CLVS2: variants seen among roughly 807,000 people sequenced by gnomAD.
CLVS2 encodes clavesin-2.
CLVS2 carries 19 observed loss-of-function variants against 29.0 expected under a neutral mutation model. The ratio of observed to expected loss-of-function variants is 0.66; its 90% CI spans 0.46 to 0.96. The LOEUF (loss-of-function observed/expected upper bound fraction) is 0.96. Ranked by LOEUF, CLVS2 falls within the 40% of genes least tolerant of loss-of-function variation. The probability of loss-of-function intolerance (pLI) is 0.00; values close to 1 mark genes in which losing one functional copy is unlikely to be tolerated. For missense variants in CLVS2, 294 were observed against 404.1 expected, an observed-to-expected ratio of 0.73 and a Z score of 2.34; for synonymous variants, 161 against 151.3, an observed-to-expected ratio of 1.06 and a Z score of -0.47.
At chr6:123,024,384 AT>A (rs1387610904) in intron 3 of CLVS2, among the ~76,000 whole-genome samples, 1 of 152,240 alleles carries the variant, frequency 6.6e-6, no homozygotes, top group South Asian at 2.1e-4. Context: ...ACATGAAGAG[AT>A]TTGTATATAC....
intron 3 of CLVS2, among the ~76,000 whole-genome samples, chr6:123,042,127 G>T (rs925457320): frequency 6.6e-6 from 1 of 152,048 alleles, no homozygotes; most frequent in African/African-American, 2.4e-5. Flanking sequence ...TGTGATTCAT[G>T]TGCATTTCAT....
rs1772688174 is a variant in CLVS2, at chr6:123,055,981, C to T, written c.851C>T (p.Pro284Leu). The change falls in exon 5 of 6, where the codon CCT becomes CTT. Residue 284 changes from proline (P) to leucine (L), a missense_variant. Physicochemically the swap from Pro to Leu is moderately conservative, Grantham distance 98 (BLOSUM62 -3). This residue lies in a region of CLVS2 where 82 missense variants were observed against 67.8 expected (regional missense o/e 1.21). Coordinates refer to ENST00000275162, the MANE Select transcript of CLVS2 (RefSeq NM_001010852.4). ...TACAATGTAGACTCCTACAGCATGC[C>T]TGTGAAGGAAGTAGAGAAGGAACTC... ...SEYNVDSYSM[P>L]VKEVEKELSP... 2 of 1,613,814 alleles carry T rather than the reference C, an allele frequency of 1.2e-6. No homozygotes were observed. The highest frequency in any genetic ancestry group is 8.5e-7 in the Non-Finnish European group (1 of 1,179,902).
chr6:123,050,099 C>T (rs1330221512), intron 4 of CLVS2, among the ~76,000 whole-genome samples: 1 of 152,172 alleles, frequency 6.6e-6, no homozygotes, highest in East Asian at 1.9e-4. Flanking sequence ...AATTTGTTGA[C>T]AATGTTTTAA....
At chr6:123,036,923 A>G (rs530782866) in intron 3 of CLVS2, among the ~76,000 whole-genome samples, 1 of 152,256 alleles carries the variant, frequency 6.6e-6, no homozygotes, top group South Asian at 2.1e-4. Flanking sequence ...TCTTCTCTCC[A>G]ACACGTTAGT....
rs1046958804 is a variant in CLVS2 at position 123,072,109 on chromosome 6, T to A, written c.*8348T>A. 9 of 152,058 alleles carry A rather than the reference T, an allele frequency of 5.9e-5. No individual in the cohort carries two copies. Among genetic ancestry groups the A allele is most frequent in the Admixed American group, 5.3e-4 (8 of 15,238 alleles). The allele number at this position is 152,058 out of a possible 1,614,324, so 9.4% of individuals were successfully genotyped here. A position where few individuals can be genotyped will look rare whatever the true frequency, so the allele number is the denominator to read the frequency against. On this transcript the variant is annotated 3_prime_UTR_variant, in exon 6 of 6. Transcript: ENST00000275162. The stretch of plus-strand genomic sequence containing the variant: ...ATTTGTATCCTTTGCAGTTTAACTT[T>A]TAATCCTTACCAAACATATGTTATT...
chr6:123,025,870 A>C (rs888988765), intron 3 of CLVS2, among the ~76,000 whole-genome samples: 1 of 152,038 alleles, frequency 6.6e-6, no homozygotes, highest in Non-Finnish European at 1.5e-5. Flanking sequence ...CTTTCTTATG[A>C]GTTTTGCTCC....
Position 123,071,128 on chromosome 6 carries a change from T to C in CLVS2, c.*7367T>C, listed in dbSNP as rs1772941405. On this transcript the variant is annotated 3_prime_UTR_variant, in exon 6 of 6. Coordinates refer to ENST00000275162, the MANE Select transcript of CLVS2 (RefSeq NM_001010852.4). Reference sequence around the variant, plus strand: ...GTGAACTCCACAAGGGCAGGAATTTTTGTCTGTTTACTACTGCATTACTGG... The same window carrying C: ...GTGAACTCCACAAGGGCAGGAATTTCTGTCTGTTTACTACTGCATTACTGG... The C allele has an allele frequency of 6.6e-6, 1 of 152,064 alleles. No homozygotes were observed. The highest frequency in any genetic ancestry group is 2.4e-5 in the African/African-American group (1 of 41,430). The allele number at this position is 152,064 out of a possible 1,614,324, so 9.4% of individuals were successfully genotyped here.
In CLVS2 at chr6:123,010,224, A is replaced by T. The variant is rs192169574; in HGVS notation, c.390-761A>T. On this transcript the variant is annotated intron_variant, in intron 2 of 5. Transcript: ENST00000275162. ...TTTTGTTCTTAGTTCCGTTGCCTCC[A>T]TTGAAGCAGTGTCTTAATCTCCAAC... Among the ~76,000 whole-genome samples the T allele has an allele frequency of 1.1e-4, 16 of 152,158 alleles. No homozygotes were observed. In the East Asian group the frequency reaches 2.9e-3, roughly 28 times the overall value.
intron 4 of CLVS2, among the ~76,000 whole-genome samples, chr6:123,050,208 G>A (rs1298408497): frequency 6.6e-6 from 1 of 152,144 alleles, no homozygotes; most frequent in Non-Finnish European, 1.5e-5. Context: ...AATTCAGAAA[G>A]TTTATTGAAA....
At chr6:123,013,471 A>G (rs1774781199) in intron 3 of CLVS2, among the ~76,000 whole-genome samples, 1 of 151,950 alleles carries the variant, frequency 6.6e-6, no homozygotes, top group Non-Finnish European at 1.5e-5. Context: ...CATAAAAAAA[A>G]ATTATAGGGG....
At chr6:123,037,704 C>G (rs529476514) in intron 3 of CLVS2, among the ~76,000 whole-genome samples, 2 of 152,102 alleles carry the variant, frequency 1.3e-5, no homozygotes, top group African/African-American at 4.8e-5. Flanking sequence ...GGATGTCTGT[C>G]TCACACATTA....
chr6:123,037,724 TA>T (rs937987337), intron 3 of CLVS2, among the ~76,000 whole-genome samples: 6 of 151,930 alleles, frequency 3.9e-5, no homozygotes, highest in Admixed American at 2.0e-4. Flanking sequence ...ACTTAGTCAT[TA>T]AAAAAAAGCT....
chr6:123,040,054 A>G (rs1256742055), intron 3 of CLVS2, among the ~76,000 whole-genome samples: 2 of 152,186 alleles, frequency 1.3e-5, no homozygotes, highest in Non-Finnish European at 2.9e-5. Context: ...TTAACATCGT[A>G]TCAAGGGTCC....
In CLVS2 at chr6:122,996,296, G is replaced by T; in HGVS notation, c.-1010G>T. 1 of 153,456 alleles carries T rather than the reference G, an allele frequency of 6.5e-6. No individual in the cohort carries two copies. Among genetic ancestry groups the T allele is most frequent in the South Asian group, 2.0e-4 (1 of 4,956 alleles). 9.5% of individuals were successfully genotyped at this position (153,456 alleles called of 1,614,324 possible). On this transcript the variant is annotated 5_prime_UTR_variant, in exon 1 of 6. Transcript: ENST00000275162. ...CAGCCCGGTGGGGCAACCCTGACTCGGACCGCTCGGGAGAGCCCCAGGAGA... is the reference window on the plus strand; with the variant it reads ...CAGCCCGGTGGGGCAACCCTGACTCTGACCGCTCGGGAGAGCCCCAGGAGA...
chr6:123,052,464 C>G (rs1012181967), intron 4 of CLVS2, among the ~76,000 whole-genome samples: 1 of 152,144 alleles, frequency 6.6e-6, no homozygotes, highest in Non-Finnish European at 1.5e-5. Flanking sequence ...AAAGATATGA[C>G]CTGACTTATA....
intron 3 of CLVS2, among the ~76,000 whole-genome samples, chr6:123,027,041 A>G (rs1473035444): frequency 6.6e-6 from 1 of 152,176 alleles, no homozygotes; most frequent in African/African-American, 2.4e-5. Flanking sequence ...TACAGAGGCG[A>G]AAATGCATAT....
chr6:123,006,489 A>G (rs1774670943), intron 2 of CLVS2, among the ~76,000 whole-genome samples: 1 of 152,198 alleles, frequency 6.6e-6, no homozygotes, highest in Non-Finnish European at 1.5e-5. Context: ...AAAAAGAGAC[A>G]CAAGTGCCAT....
intron 3 of CLVS2, among the ~76,000 whole-genome samples, chr6:123,012,242 G>T (rs1774759218): frequency 6.6e-6 from 1 of 151,954 alleles, no homozygotes; most frequent in African/African-American, 2.4e-5. Flanking sequence ...GACAGCATAA[G>T]ATAATGCATG....
In CLVS2 at chr6:123,044,590, C is replaced by T. The variant is rs564723005; in HGVS notation, c.565-4032C>T. 5.3e-5 allele frequency among the ~76,000 whole-genome samples: 8 copies of T among 151,912 alleles called. No individual in the cohort carries two copies. In the South Asian group the frequency reaches 1.7e-3, roughly 32 times the overall value. On this transcript the variant is annotated intron_variant, in intron 3 of 5. Transcript: ENST00000275162. ...ATTCTTGTGAAGCTTTGATTAGCTG[C>T]CCACTGAATCTACATAGTAGGTGTG... is the stretch of plus-strand genomic sequence containing the variant.
Sources: gnomAD v4.1 joint callset for allele counts (sites outside exome capture counted in the v4.1 genomes callset) on GRCh38, gnomAD v4.1.1 for gene constraint, gnomAD v4.1.1 regional missense constraint, MANE v1.5 for transcripts, NCBI Gene and HGNC (gene_info 2026-07-23, HGNC 2026-07-21) for gene names.